The following GREB1L variants were observed in gnomAD, a reference collection of about 807,000 sequenced individuals.
GREB1L encodes GREB1 like retinoic acid receptor coactivator, also known as GREB1-like protein.
GREB1L carries 17 observed loss-of-function variants against 200.8 expected under a neutral mutation model. The observed-to-expected ratio is 0.08, with a 90% CI of 0.06 to 0.13. The LOEUF is 0.13. Ranked by LOEUF, GREB1L falls within the 10% of genes least tolerant of loss-of-function variation. The probability of loss-of-function intolerance (pLI) is 1.00; values close to 1 mark genes in which losing one functional copy is unlikely to be tolerated. For synonymous variants in GREB1L, 789 were observed against 893.0 expected, an observed-to-expected ratio of 0.88 and a Z score of 2.08; for missense variants, 1,657 against 2,367.7, an observed-to-expected ratio of 0.70 and a Z score of 6.23.
chr18:21,482,749 A>G (rs747377170), intron 17 of GREB1L, among the ~76,000 whole-genome samples: 2 of 151,236 alleles, frequency 1.3e-5, no homozygotes, highest in Non-Finnish European at 2.9e-5. Context: ...TAGTGAGACC[A>G]AGGGCCAACA....
At chr18:21,444,430 A>G in intron 11 of GREB1L, 21 bp downstream of exon 11, 1 of 1,535,634 alleles carries the variant, frequency 6.5e-7, no homozygotes, top group Non-Finnish European at 8.8e-7. Context: ...TTCCATAATC[A>G]TTTGCTGGTG....
At chr18:21,463,623 G>C (rs1229938499) in intron 15 of GREB1L, among the ~76,000 whole-genome samples, 9 of 152,130 alleles carry the variant, frequency 5.9e-5, no homozygotes, top group Admixed American at 2.6e-4. Context: ...TGTTGCCCAG[G>C]TTGGAGTGCA....
intron 1 of GREB1L, among the ~76,000 whole-genome samples, chr18:21,304,222 A>ATATTATTAT (rs35203034): frequency 8.9e-4 from 133 of 148,774 alleles, no homozygotes; most frequent in African/African-American, 2.6e-3. Flanking sequence ...AGTTAAGCCC[A>ATATTATTAT]TATTATTATT....
intron 7 of GREB1L, among the ~76,000 whole-genome samples, chr18:21,439,027 C>G (rs191277063): frequency 2.7e-5 from 4 of 145,650 alleles, no homozygotes; most frequent in Admixed American, 2.7e-4. Context: ...TATTTATGTA[C>G]AAAAATGATA....
intron 1 of GREB1L, among the ~76,000 whole-genome samples, chr18:21,277,144 G>A (rs1472552828): frequency 6.6e-6 from 1 of 151,964 alleles, no homozygotes; most frequent in Non-Finnish European, 1.5e-5. Context: ...TAGCCAGGAT[G>A]GTCTCAATCT....
intron 1 of GREB1L, among the ~76,000 whole-genome samples, chr18:21,254,711 T>C (rs1468831976): frequency 6.6e-6 from 1 of 152,172 alleles, no homozygotes; most frequent in Non-Finnish European, 1.5e-5. Context: ...CCAAGATTCT[T>C]TTGGTCATTC....
intron 4 of GREB1L, among the ~76,000 whole-genome samples, chr18:21,388,030 G>A (rs2040615875): frequency 6.6e-6 from 1 of 152,288 alleles, no homozygotes; most frequent in African/African-American, 2.4e-5. Flanking sequence ...TACAGAAATA[G>A]ACCAGACCCT....
At chr18:21,474,410 CCCT>C (rs2035604281) in intron 16 of GREB1L, among the ~76,000 whole-genome samples, 1 of 152,200 alleles carries the variant, frequency 6.6e-6, no homozygotes, top group Admixed American at 6.5e-5. Context: ...CCCCACATTT[CCCT>C]TCCACACTGC....
chr18:21,397,368 A>C (rs572688348), intron 5 of GREB1L, among the ~76,000 whole-genome samples: 54 of 151,682 alleles, frequency 3.6e-4, no homozygotes, highest in African/African-American at 1.3e-3. Context: ...CCCCGTCTCT[A>C]CCAAAAATTA....
chr18:21,288,712 A>G (rs953959473), intron 1 of GREB1L, among the ~76,000 whole-genome samples: 2 of 151,906 alleles, frequency 1.3e-5, no homozygotes, highest in African/African-American at 4.8e-5. Context: ...AATAGATGGC[A>G]TAGAACTTGT....
rs34222462 is a variant in GREB1L, at chr18:21,406,058, TA to T, written c.832+2081del. Among the ~76,000 whole-genome samples the T allele has an allele frequency of 2.1e-3, 266 of 124,856 alleles. 3 individuals carry two copies. The highest frequency in any genetic ancestry group is 0.012 in the Admixed American group (152 of 12,210). The allele number at this position is 124,856 out of a possible 152,430, so 81.9% of individuals were successfully genotyped here. A position where few individuals can be genotyped will look rare whatever the true frequency, so the allele number is the denominator to read the frequency against. ...CTGGGCAACAGAGCCAGACCCTGTCTAAAAAAAAAAAAAAAAAGAACAATAA... is the reference window on the plus strand; with the variant it reads ...CTGGGCAACAGAGCCAGACCCTGTCTAAAAAAAAAAAAAAAAGAACAATAA... On this transcript the variant is annotated intron_variant, in intron 7 of 32. Transcript: ENST00000424526.
At chr18:21,504,470 A>G (rs565081693) in intron 23 of GREB1L, among the ~76,000 whole-genome samples, 3 of 152,322 alleles carry the variant, frequency 2.0e-5, no homozygotes, top group African/African-American at 7.2e-5. Flanking sequence ...CAGGAGTTCA[A>G]GGTTGCAGTG....
At chr18:21,473,494 A>T (rs2035562135) in intron 16 of GREB1L, among the ~76,000 whole-genome samples, 1 of 150,238 alleles carries the variant, frequency 6.7e-6, no homozygotes, top group Non-Finnish European at 1.5e-5. Context: ...GTTTGAACCC[A>T]GGCGCTGGAG....
intron 19 of GREB1L, among the ~76,000 whole-genome samples, chr18:21,493,017 A>G (rs2145875159): frequency 6.6e-6 from 1 of 152,318 alleles, no homozygotes; most frequent in African/African-American, 2.4e-5. Context: ...AGTCCTTTTT[A>G]TACTCTGTAT....
At chr18:21,337,551 A>G (rs1297719027) in intron 1 of GREB1L, among the ~76,000 whole-genome samples, 1 of 152,192 alleles carries the variant, frequency 6.6e-6, no homozygotes, top group Non-Finnish European at 1.5e-5. Context: ...AATTCTGAGC[A>G]CTTTGTGAAC....
chr18:21,504,027 C>G (rs1402063762), intron 23 of GREB1L, among the ~76,000 whole-genome samples: 1 of 151,612 alleles, frequency 6.6e-6, no homozygotes, highest in East Asian at 2.0e-4. Context: ...CTGCAACCTC[C>G]GTCTCAGGGG....
chr18:21,291,838 A>G (rs2038455532), intron 1 of GREB1L, among the ~76,000 whole-genome samples: 2 of 152,204 alleles, frequency 1.3e-5, no homozygotes, highest in African/African-American at 2.4e-5. Context: ...GGATCTCTAC[A>G]TAATGACACC....
At chr18:21,312,133 T>C (rs1245993775) in intron 1 of GREB1L, among the ~76,000 whole-genome samples, 1 of 152,206 alleles carries the variant, frequency 6.6e-6, no homozygotes, top group Non-Finnish European at 1.5e-5. Flanking sequence ...GCTCCATCCA[T>C]GTCCCTGCAA....
In GREB1L at chr18:21,345,682, G is replaced by A. The variant is rs572106343; in HGVS notation, c.-119-20345G>A. On this transcript the variant is annotated intron_variant, in intron 1 of 32. Transcript: ENST00000424526. The stretch of plus-strand genomic sequence containing the variant: ...GAGGTCAGGAGTTCAAGACCAGCCT[G>A]GCCAACATGGTGAAACCCATCTCTA... Among the ~76,000 whole-genome samples the A allele has an allele frequency of 3.3e-5, 5 of 152,126 alleles. No homozygotes were observed. In the South Asian group the frequency reaches 6.2e-4, roughly 19 times the overall value.
Sources: allele counts gnomAD v4.1 joint callset (sites outside exome capture counted in the v4.1 genomes callset), GRCh38; gene constraint gnomAD v4.1.1; transcripts MANE v1.5; gene names NCBI Gene and HGNC (gene_info 2026-07-23, HGNC 2026-07-21).